C4orf54: variants seen among roughly 807,000 people sequenced by gnomAD.
C4orf54 encodes the protein uncharacterized protein C4orf54.
C4orf54 carries 67 observed loss-of-function variants against 80.1 expected under a neutral mutation model. The ratio of observed to expected loss-of-function variants is 0.84; its 90% confidence interval spans 0.69 to 1.03. C4orf54 has a LOEUF of 1.03. Ranked by LOEUF, C4orf54 falls within the 50% of genes least tolerant of loss-of-function variation. The pLI is 0.00. For missense variants in C4orf54, 2,434 were observed against 2,253.5 expected (o/e 1.08, Z -1.62); for synonymous variants, 1,000 against 917.0 (o/e 1.09, Z -1.64).
At position 99,651,650 on chromosome 4, in the gene C4orf54, T is replaced by A. The variant is rs1409593143; in HGVS notation, c.2999A>T (p.Lys1000Met). 5.2e-6 allele frequency: 8 copies of A among 1,535,966 alleles called. No individual in the cohort carries two copies. In the South Asian group the frequency reaches 8.3e-5, roughly 16 times the overall value. Residue 1000 changes from lysine (K) to methionine (M), a missense_variant, in exon 2 of 3, where the codon AAG (lysine) becomes ATG (methionine). By Grantham distance (95) the Lys-to-Met change is moderately conservative. Transcript: ENST00000511828. ...LFVPNIQQTPKDKQPRKQATK... is the reference protein window; with the variant it reads ...LFVPNIQQTPMDKQPRKQATK... Reference sequence around the variant, plus strand: ...GGCCTGCTTCCTCGGCTGCTTGTCCTTGGGTGTCTGCTGGATGTTGGGGAC... The same window carrying A: ...GGCCTGCTTCCTCGGCTGCTTGTCCATGGGTGTCTGCTGGATGTTGGGGAC...
At position 99,637,688 on chromosome 4, in the gene C4orf54, TC is replaced by T. The variant is rs1184603431; in HGVS notation, c.*3544del. Reference sequence around the variant, plus strand: ...ATCAAACAAACTTACACAAAAAATTTCCCCCTCAACAGTACTGATAAAATAC... The same window carrying T: ...ATCAAACAAACTTACACAAAAAATTTCCCCTCAACAGTACTGATAAAATAC... On this transcript the variant is annotated 3_prime_UTR_variant, in exon 3 of 3. Transcript: ENST00000511828. The T allele has an allele frequency of 1.3e-5, 2 of 152,164 alleles. No homozygotes were observed. The highest frequency in any genetic ancestry group is 6.6e-5 in the Admixed American group (1 of 15,262). 9.4% of individuals were successfully genotyped at this position (152,164 alleles called of 1,614,324 possible). A position where few individuals can be genotyped will look rare whatever the true frequency, so the allele number is the denominator to read the frequency against.
In C4orf54 at chr4:99,652,380, G is replaced by GT; in HGVS notation, c.2268dup (p.Arg757ThrfsTer3). ...GCCGAGCTGGCTTTGCTCTCACTGCGTACATTCAGGGGCTCCAAAAGGGTG... is the reference window on the plus strand; with the variant it reads ...GCCGAGCTGGCTTTGCTCTCACTGCGTTACATTCAGGGGCTCCAAAAGGGTG... On this transcript the variant is annotated frameshift_variant, in exon 2 of 3. Transcript: ENST00000511828. LOFTEE classifies it high-confidence loss of function. 1.3e-6 allele frequency: 2 copies of GT among 1,536,084 alleles called. No individual in the cohort carries two copies. The highest frequency in any genetic ancestry group is 2.4e-5 in the South Asian group (2 of 84,056).
At position 99,653,664 on chromosome 4, in the gene C4orf54, C is replaced by A. The variant is rs79703522; in HGVS notation, c.985G>T (p.Gly329Trp). ...CCCCCTCCTCCTTTTCCTCCTCCCCCTCCTCCTGATATTTTCTCTCCTTCT... is the reference window on the plus strand; with the variant it reads ...CCCCCTCCTCCTTTTCCTCCTCCCCATCCTCCTGATATTTTCTCTCCTTCT... ...GGEGEKISGG[G>W]GGGKGGGGGG... Residue 329 changes from glycine to tryptophan, a missense_variant, in exon 2 of 3, where the codon GGG becomes TGG. Gly to Trp is a radical substitution (Grantham distance 184). Coordinates refer to ENST00000511828, the MANE Select transcript of C4orf54 (RefSeq NM_001354435.2). The A allele has an allele frequency of 1.3e-4, 199 of 1,524,658 alleles. No individual in the cohort carries two copies. The South Asian group carries it at 1.5e-3, about 11-fold the overall frequency. The allele number at this position is 1,524,658 out of a possible 1,614,324, so 94.4% of individuals were successfully genotyped here.
Position 99,649,440 on chromosome 4 carries a change from A to G in C4orf54, c.5209T>C (p.Ser1737Pro). ...YFMASGQSPASSTSSAPAATS... is the reference protein window; with the variant it reads ...YFMASGQSPAPSTSSAPAATS... ...GCTGCTGGGGCTGAGGAGGTTGAGG[A>G]GGCCGGAGACTGACCAGAAGCCATG... The change falls in exon 2 of 3, where the codon TCC (serine) becomes CCC (proline). Residue 1737 changes from serine (S) to proline (P), a missense_variant. Physicochemically the swap from Ser to Pro is moderately conservative, Grantham distance 74 (BLOSUM62 -1). Transcript: ENST00000511828. The G allele has an allele frequency of 6.5e-7, 1 of 1,536,112 alleles. No homozygotes were observed. Among genetic ancestry groups the G allele is most frequent in the Non-Finnish European group, 8.7e-7 (1 of 1,146,910 alleles).
chr4:99,654,428 A>G lies in C4orf54; in HGVS notation c.221T>C (p.Leu74Pro). 1 of 766,018 alleles carries G rather than the reference A, an allele frequency of 1.3e-6. No homozygotes were observed. The highest frequency in any genetic ancestry group is 2.3e-6 in the Non-Finnish European group (1 of 442,976). The allele number at this position is 766,018 out of a possible 1,614,324, so 47.5% of individuals were successfully genotyped here. Residue 74 changes from leucine (L) to proline (P), a missense_variant, in exon 2 of 3, where the codon CTC (leucine) becomes CCC (proline). Coordinates refer to ENST00000511828, the MANE Select transcript of C4orf54 (RefSeq NM_001354435.2). Reference sequence around the variant, plus strand: ...CTGTGGCGGGGCCGCAGCAAGCCTGAGGGAGGTGGGAAGGCTCCTGGATGA... The same window carrying G: ...CTGTGGCGGGGCCGCAGCAAGCCTGGGGGAGGTGGGAAGGCTCCTGGATGA... ...TASSRSLPTS[L>P]RLAAAPPQGL...
rs1420996927 is a variant in C4orf54 at position 99,650,531 on chromosome 4, G to A, written c.4118C>T (p.Pro1373Leu). The part of the protein sequence containing the change: ...ARERPRSLYI[P>L]PVHKDVERTQ... The stretch of plus-strand genomic sequence containing the variant: ...TCTCTCTACATCCTTGTGGACTGGG[G>A]GAATATAGAGAGATCGGGGTCTTTC... The change falls in exon 2 of 3, where the codon CCC becomes CTC. Residue 1373 changes from proline (P) to leucine (L), a missense_variant. Pro to Leu is a moderately conservative substitution (Grantham distance 98). Coordinates refer to ENST00000511828, the MANE Select transcript of C4orf54 (RefSeq NM_001354435.2). 2.0e-6 allele frequency: 3 copies of A among 1,535,968 alleles called. No individual in the cohort carries two copies. The highest frequency in any genetic ancestry group is 1.7e-6 in the Non-Finnish European group (2 of 1,146,910).
In C4orf54 at chr4:99,654,069, A is replaced by G. The variant is rs1416986405; in HGVS notation, c.580T>C (p.Tyr194His). ...PSASSQREAK[Y>H]VDMCASAEVQ... ...TCAGCTGAAGCACACATGTCCACAT[A>G]TTTCGCTTCTCGCTGGGAGGAGGCT... Residue 194 changes from tyrosine to histidine, a missense_variant, in exon 2 of 3, where the codon TAT becomes CAT. Coordinates refer to ENST00000511828, the MANE Select transcript of C4orf54 (RefSeq NM_001354435.2). 1.3e-6 allele frequency: 2 copies of G among 1,535,824 alleles called. No individual in the cohort carries two copies. Among genetic ancestry groups the G allele is most frequent in the African/African-American group, 1.4e-5 (1 of 72,974 alleles).
In C4orf54 at chr4:99,640,322, C is replaced by T. The variant is rs1726584867; in HGVS notation, c.*911G>A. 1 of 152,164 alleles carries T rather than the reference C, an allele frequency of 6.6e-6. No homozygotes were observed. Among genetic ancestry groups the T allele is most frequent in the Non-Finnish European group, 1.5e-5 (1 of 68,006 alleles). The allele number at this position is 152,164 out of a possible 1,614,324, so 9.4% of individuals were successfully genotyped here. A position where few individuals can be genotyped will look rare whatever the true frequency, so the allele number is the denominator to read the frequency against. ...CACTGAATTAGTGCCATATTCTACT[C>T]TACTGCCCCAAATGGGTCACTCTTT... On this transcript the variant is annotated 3_prime_UTR_variant, in exon 3 of 3. Transcript: ENST00000511828.
chr4:99,637,651 A>G lies in C4orf54; in HGVS notation c.*3582T>C, dbSNP rs533261732. ...AACATATTTTGTGAATTTGATTTTT[A>G]TAAGCAGTTTTATCAAACAAACTTA... On this transcript the variant is annotated 3_prime_UTR_variant, in exon 3 of 3. Coordinates refer to ENST00000511828, the MANE Select transcript of C4orf54 (RefSeq NM_001354435.2). 1 of 152,284 alleles carries G rather than the reference A, an allele frequency of 6.6e-6. No homozygotes were observed. The highest frequency in any genetic ancestry group is 2.4e-5 in the African/African-American group (1 of 41,570). 9.4% of individuals were successfully genotyped at this position (152,284 alleles called of 1,614,324 possible).
chr4:99,653,443 C>T lies in C4orf54; in HGVS notation c.1206G>A (p.Ser402=), dbSNP rs554434528. 53 of 1,536,028 alleles carry T rather than the reference C, an allele frequency of 3.5e-5. No homozygotes were observed. Among genetic ancestry groups the T allele is most frequent in the Non-Finnish European group, 3.9e-5 (45 of 1,146,914 alleles). The part of the protein sequence containing the change: ...WDFEDNNVIY[S]FVDYASFGGS... Reference sequence around the variant, plus strand: ...CACCAAAGGAAGCATAATCCACGAACGAGTAGATCACGTTGTTGTCCTCGA... The same window carrying T: ...CACCAAAGGAAGCATAATCCACGAATGAGTAGATCACGTTGTTGTCCTCGA... The change falls in exon 2 of 3, where the codon TCG becomes TCA. Residue 402 remains serine (S), a synonymous_variant. Transcript: ENST00000511828.
In C4orf54 at chr4:99,653,162, T is replaced by C. The variant is rs1726890824; in HGVS notation, c.1487A>G (p.Glu496Gly). 1 of 1,536,126 alleles carries C rather than the reference T, an allele frequency of 6.5e-7. No homozygotes were observed. Among genetic ancestry groups the C allele is most frequent in the Non-Finnish European group, 8.7e-7 (1 of 1,146,896 alleles). ...GTAPLTEPLP[E>G]TPEAASGAAA... is the part of the protein sequence containing the mutation. ...TGCCCCTGAAGCTGCCTCCGGGGTC[T>C]CAGGCAAGGGCTCAGTCAGGGGGGC... is the stretch of plus-strand genomic sequence containing the variant. Residue 496 changes from glutamate to glycine, a missense_variant, in exon 2 of 3, where the codon GAG (glutamate) becomes GGG (glycine). By Grantham distance (98) the Glu-to-Gly change is moderately conservative. Transcript: ENST00000511828.
At position 99,649,821 on chromosome 4, in the gene C4orf54, G is replaced by A. The variant is rs779949821; in HGVS notation, c.4828C>T (p.Arg1610Cys). 1.1e-5 allele frequency: 17 copies of A among 1,535,970 alleles called. No individual in the cohort carries two copies. The highest frequency in any genetic ancestry group is 6.8e-5 in the African/African-American group (5 of 73,008). The change falls in exon 2 of 3, where the codon CGT (arginine) becomes TGT (cysteine). Residue 1610 changes from arginine to cysteine, a missense_variant. Physicochemically the swap from Arg to Cys is radical, Grantham distance 180. Coordinates refer to ENST00000511828, the MANE Select transcript of C4orf54 (RefSeq NM_001354435.2). ...FQQAQPQQTQ[R>C]KMLLDVTTGQ... The stretch of plus-strand genomic sequence containing the variant: ...GTTGTCACATCCAGGAGCATCTTAC[G>A]CTGGGTCTGTTGAGGCTGTGCCTGC...
chr4:99,650,845 G>C lies in C4orf54; in HGVS notation c.3804C>G (p.Tyr1268Ter), dbSNP rs1309480415. 6 of 1,536,200 alleles carry C rather than the reference G, an allele frequency of 3.9e-6. No homozygotes were observed. In the Admixed American group the frequency reaches 9.8e-5, roughly 25 times the overall value. ...GCTTCCACTCGTTCCTGTTGAAGCT[G>C]TACAGCTCTTCCATGGACCTCACGG... The part of the protein sequence containing the change: ...TAAVRSMEEL[Y>*]SFNRNEWKRK... Residue 1268 changes from tyrosine to a stop codon, truncating the protein, a stop_gained, in exon 2 of 3, where the codon TAC becomes TAG. Transcript: ENST00000511828. LOFTEE classifies it high-confidence loss of function.
rs1246230232 is a variant in C4orf54 at position 99,651,037 on chromosome 4, A to G, written c.3612T>C (p.Ala1204=). ...VHRASGRLPV[A]TIAPNKPEQG... is the part of the protein sequence containing the mutation. Reference sequence around the variant, plus strand: ...GCTCGGGCTTATTGGGGGCAATGGTAGCCACAGGCAGCCTGCCAGATGCCC... The same window carrying G: ...GCTCGGGCTTATTGGGGGCAATGGTGGCCACAGGCAGCCTGCCAGATGCCC... Residue 1204 remains alanine (A), a synonymous_variant, in exon 2 of 3, where the codon GCT becomes GCC. Coordinates refer to ENST00000511828, the MANE Select transcript of C4orf54 (RefSeq NM_001354435.2). 5 of 1,536,122 alleles carry G rather than the reference A, an allele frequency of 3.3e-6. No homozygotes were observed. The highest frequency in any genetic ancestry group is 2.0e-5 in the Admixed American group (1 of 50,996).
Position 99,652,502 on chromosome 4 carries a change from G to A in C4orf54, c.2147C>T (p.Ala716Val). Reference sequence around the variant, plus strand: ...GACTTTGCTGACCACGAACTCCAAGGCCTTGGTCTGAGACTTCTTGGACTG... The same window carrying A: ...GACTTTGCTGACCACGAACTCCAAGACCTTGGTCTGAGACTTCTTGGACTG... ...YIQSKKSQTK[A>V]LEFVVSKVEG... Residue 716 changes from alanine (A) to valine (V), a missense_variant, in exon 2 of 3, where the codon GCC becomes GTC. By Grantham distance (64) the Ala-to-Val change is moderately conservative. Transcript: ENST00000511828. 6.5e-7 allele frequency: 1 copy of A among 1,536,022 alleles called. No homozygotes were observed. The highest frequency in any genetic ancestry group is 8.7e-7 in the Non-Finnish European group (1 of 1,146,874).
chr4:99,652,017 C>T lies in C4orf54; in HGVS notation c.2632G>A (p.Val878Met), dbSNP rs1316464564. ...CCGCCCGCGTCGGACATGCTGACCA[C>T]TGTGTACTCGGAGCCGGCCTCGGAG... ...RHSEAGSEYT[V>M]VSMSDAGGEG... Residue 878 changes from valine (V) to methionine (M), a missense_variant, in exon 2 of 3, where the codon GTG (valine) becomes ATG (methionine). By Grantham distance (21) the Val-to-Met change is conservative. Coordinates refer to ENST00000511828, the MANE Select transcript of C4orf54 (RefSeq NM_001354435.2). 6.5e-7 allele frequency: 1 copy of T among 1,536,056 alleles called. No homozygotes were observed. Among genetic ancestry groups the T allele is most frequent in the Admixed American group, 2.0e-5 (1 of 50,988 alleles).
At chr4:99,646,300 T>G (rs1726700422) in intron 2 of C4orf54, among the ~76,000 whole-genome samples, 2 of 152,224 alleles carry the variant, frequency 1.3e-5, no homozygotes, top group African/African-American at 4.8e-5. Flanking sequence ...TATGTGGGTT[T>G]ACGGCCCCAA....
Position 99,650,167 on chromosome 4 carries a change from C to G in C4orf54, c.4482G>C (p.Gly1494=), listed in dbSNP as rs1578272594. ...GAGTGGCAGCTGAGGAGTTGGGGGG[C>G]CCCTCCCTGGAAGCCCCAGGCCTGC... ...LLSRPGASRE[G]PPNSSAATLC... is the part of the protein sequence containing the mutation. The change falls in exon 2 of 3, where the codon GGG becomes GGC. Residue 1494 remains glycine, a synonymous_variant. Coordinates refer to ENST00000511828, the MANE Select transcript of C4orf54 (RefSeq NM_001354435.2). The G allele has an allele frequency of 1.3e-6, 2 of 1,535,912 alleles. No homozygotes were observed. Among genetic ancestry groups the G allele is most frequent in the East Asian group, 2.4e-5 (1 of 40,898 alleles).
At position 99,637,134 on chromosome 4, in the gene C4orf54, A is replaced by G. The variant is rs1726518564; in HGVS notation, c.*4099T>C. The G allele has an allele frequency of 6.6e-6, 1 of 152,200 alleles. No homozygotes were observed. Among genetic ancestry groups the G allele is most frequent in the Admixed American group, 6.6e-5 (1 of 15,260 alleles). The allele number at this position is 152,200 out of a possible 1,614,324, so 9.4% of individuals were successfully genotyped here. ...GGTAGATTATTCAGGGAGCCCTGGAAAGGACTTTTTGCCATTAACACTAGC... is the reference window on the plus strand; with the variant it reads ...GGTAGATTATTCAGGGAGCCCTGGAGAGGACTTTTTGCCATTAACACTAGC... On this transcript the variant is annotated 3_prime_UTR_variant, in exon 3 of 3. Transcript: ENST00000511828.
Sources: gnomAD v4.1 joint callset for allele counts (sites outside exome capture counted in the v4.1 genomes callset) on GRCh38, gnomAD v4.1.1 for gene constraint, MANE v1.5 for transcripts, NCBI Gene and HGNC (gene_info 2026-07-23, HGNC 2026-07-21) for gene names.